Variants in AKT1S1 observed in about 807,000 individuals in gnomAD.
AKT1S1 encodes the protein AKT1 substrate 1.
Under a neutral mutation model 21.2 loss-of-function variants are expected in AKT1S1, and 17 were observed. That is an observed-to-expected ratio of 0.80 (90% CI 0.55 to 1.20). The LOEUF is 1.20. AKT1S1 is among the 50% of genes most tolerant of loss of function. The pLI is 0.00. For synonymous variants in AKT1S1, 181 were observed against 165.6 expected, an observed-to-expected ratio of 1.09 and a Z score of -0.72; for missense variants, 366 against 368.3, an observed-to-expected ratio of 0.99 and a Z score of 0.05.
chr19:49,876,157 G>A (rs1331290952), intron 1 of AKT1S1: 2 of 999,972 alleles, frequency 2.0e-6, no homozygotes, highest in African/African-American at 1.7e-5. Flanking sequence ...GCCATGGGGT[G>A]AGCGCCTGGG....
chr19:49,876,579 G>T lies in AKT1S1; in HGVS notation c.-8+658C>A, dbSNP rs1381376091. Reference sequence around the variant, plus strand: ...ACGGCCAAATCCTCCCCACACCGCGGTTAACAACGCCGCCTCCACTCACGT... The same window carrying T: ...ACGGCCAAATCCTCCCCACACCGCGTTTAACAACGCCGCCTCCACTCACGT... On this transcript the variant is annotated intron_variant, in intron 1 of 4. Coordinates refer to ENST00000344175, the MANE Select transcript of AKT1S1 (RefSeq NM_001098633.4). 21 of 1,497,832 alleles carry T rather than the reference G, an allele frequency of 1.4e-5. No individual in the cohort carries two copies. The East Asian group carries it at 4.6e-4, about 33-fold the overall frequency. 92.8% of individuals were successfully genotyped at this position (1,497,832 alleles called of 1,614,324 possible).
rs1476274360 is a variant in AKT1S1 at position 49,877,286 on chromosome 19, GA to G, written c.-58del. The stretch of plus-strand genomic sequence containing the variant: ...TCTTCCAGCTGTCGCGCCCCGCAGA[GA>G]GATGGGACAGCCCCGTATTAACATG... On this transcript the variant is annotated 5_prime_UTR_variant, in exon 1 of 5. It introduces an in-frame stop codon into an upstream open reading frame of the 5' UTR. Coordinates refer to ENST00000344175, the MANE Select transcript of AKT1S1 (RefSeq NM_001098633.4). 1 of 180,568 alleles carries G rather than the reference GA, an allele frequency of 5.5e-6. No homozygotes were observed. The highest frequency in any genetic ancestry group is 1.2e-5 in the Non-Finnish European group (1 of 85,694). The allele number at this position is 180,568 out of a possible 1,614,324, so 11.2% of individuals were successfully genotyped here.
Position 49,869,954 on chromosome 19 carries a change from T to G in AKT1S1, c.734A>C (p.Asn245Thr), listed in dbSNP as rs1392612025. 1 of 1,539,914 alleles carries G rather than the reference T, an allele frequency of 6.5e-7. No individual in the cohort carries two copies. The highest frequency in any genetic ancestry group is 1.4e-5 in the African/African-American group (1 of 71,900). The change falls in exon 5 of 5, where the codon AAC becomes ACC. Residue 245 changes from asparagine to threonine, a missense_variant. Transcript: ENST00000344175. ...CTTCAGCTTCTGGAAGTCGCTGGTG[T>G]TAAGCCGCGGCCGTGGCAGGTCCCC... The part of the protein sequence containing the change: ...VFGDLPRPRL[N>T]TSDFQKLKRK...
chr19:49,878,333 G>A, upstream of AKT1S1: 3 of 1,299,386 alleles, frequency 2.3e-6, no homozygotes, highest in Middle Eastern at 1.8e-4. Context: ...TTGGTCTGGC[G>A]GTCAGCAGTG....
chr19:49,876,656 G>C, intron 1 of AKT1S1: 1 of 1,497,852 alleles, frequency 6.7e-7, no homozygotes, highest in East Asian at 2.8e-5. Context: ...CAAAAGACAT[G>C]GCGGCGCCTT....
intron 1 of AKT1S1, chr19:49,874,741 T>G (rs1183133024): frequency 6.6e-6 from 1 of 152,018 alleles, no homozygotes; most frequent in African/African-American, 2.4e-5. Flanking sequence ...CCAGCGTGGT[T>G]GAGCCAGAGC....
chr19:49,870,145 C>G, intron 4 of AKT1S1, 85 bp from the exon 5 acceptor site: 1 of 1,316,590 alleles, frequency 7.6e-7, no homozygotes, highest in East Asian at 3.1e-5. Flanking sequence ...CACCCGGGCT[C>G]CAAGCCCACT....
upstream of AKT1S1, chr19:49,877,857 A>G: frequency 7.6e-7 from 1 of 1,322,950 alleles, no homozygotes; most frequent in Middle Eastern, 1.8e-4. Context: ...CTTGGCAAAC[A>G]CCGATCTCTT....
intron 4 of AKT1S1, among the ~76,000 whole-genome samples, chr19:49,871,292 G>A (rs2074880426): frequency 6.6e-6 from 1 of 152,210 alleles, no homozygotes; most frequent in South Asian, 2.1e-4. Flanking sequence ...CCTGTGCCTT[G>A]CCCAGAGCAG....
chr19:49,877,954 C>A, upstream of AKT1S1: 1 of 731,368 alleles, frequency 1.4e-6, no homozygotes, highest in Non-Finnish European at 2.2e-6. Context: ...CTCCTTGAGC[C>A]CTGCCCCCTG....
chr19:49,873,333 A>C lies in AKT1S1; in HGVS notation c.-7-31T>G. 7.1e-7 allele frequency: 1 copy of C among 1,414,582 alleles called. No individual in the cohort carries two copies. 87.6% of individuals were successfully genotyped at this position (1,414,582 alleles called of 1,614,324 possible). A position where few individuals can be genotyped will look rare whatever the true frequency, so the allele number is the denominator to read the frequency against. ...GGCCAGAGCAGGACAGAGGGGGCTG[A>C]GGCTTGGCGGCCTACATCATCGCCA... is the stretch of plus-strand genomic sequence containing the variant. On this transcript the variant is annotated intron_variant, in intron 1 of 4. Transcript: ENST00000344175. The surrounding 1 kb of genome is among the most constrained non-coding windows in gnomAD (Gnocchi z 6.9).
intron 4 of AKT1S1, among the ~76,000 whole-genome samples, chr19:49,871,142 CAG>C (rs962404392): frequency 6.6e-5 from 10 of 152,110 alleles, no homozygotes; most frequent in South Asian, 2.1e-4. Context: ...GAGCTTCAAA[CAG>C]GGGTTGCTAC....
At chr19:49,878,003 TC>T, upstream of AKT1S1, 2 of 788,876 alleles carry the variant, frequency 2.5e-6, no homozygotes, top group Non-Finnish European at 3.9e-6. Flanking sequence ...GCTGGACCAT[TC>T]TCCCCGCCTT....
At chr19:49,876,747 G>A (rs1199963855) in intron 1 of AKT1S1, 1 of 1,356,318 alleles carries the variant, frequency 7.4e-7, no homozygotes, top group East Asian at 2.9e-5. Context: ...TCAAGATGGC[G>A]GCCACAGGGG....
At chr19:49,876,152 G>C (rs2074940445) in intron 1 of AKT1S1, 5 of 998,438 alleles carry the variant, frequency 5.0e-6, no homozygotes, top group Non-Finnish European at 6.0e-6. Flanking sequence ...CGGTAGCCAT[G>C]GGGTGAGCGC....
intron 1 of AKT1S1, chr19:49,876,927 C>A (rs2074954588): frequency 5.0e-6 from 2 of 399,152 alleles, no homozygotes; most frequent in East Asian, 7.4e-5. Flanking sequence ...CAATAAACTT[C>A]TTCGACAAAA....
intron 4 of AKT1S1, among the ~76,000 whole-genome samples, chr19:49,870,940 G>A (rs962754171): frequency 1.3e-5 from 2 of 152,156 alleles, no homozygotes; most frequent in East Asian, 1.9e-4. Flanking sequence ...AGGCTTGAGG[G>A]GGGGACTGTG....
rs1292987031 is a variant in AKT1S1, at chr19:49,871,702, C to T, written c.472G>A (p.Glu158Lys). The change falls in exon 4 of 5, where the codon GAG becomes AAG. Residue 158 changes from glutamate (E) to lysine (K), a missense_variant. Transcript: ENST00000344175. ...GTGGGGGGGCCGGCGGGGGTCTCCT[C>T]GCTCAGGCTGCCATCTGAAAGAGAG... is the stretch of plus-strand genomic sequence containing the variant. ...PESTDDGSLS[E>K]ETPAGPPTCS... 6.2e-6 allele frequency: 10 copies of T among 1,612,820 alleles called. No individual in the cohort carries two copies. The highest frequency in any genetic ancestry group is 7.6e-6 in the Non-Finnish European group (9 of 1,179,392).
chr19:49,875,937 C>T, intron 1 of AKT1S1: 1 of 985,356 alleles, frequency 1.0e-6, no homozygotes, highest in Non-Finnish European at 1.2e-6. Context: ...AAGAACCCGC[C>T]CCGATAGACG....
Sources: gnomAD v4.1 joint callset for allele counts (sites outside exome capture counted in the v4.1 genomes callset) on GRCh38, gnomAD v4.1.1 for gene constraint, Gnocchi (gnomAD v3.1) non-coding constraint, MANE v1.5 for transcripts, NCBI Gene and HGNC (gene_info 2026-07-23, HGNC 2026-07-21) for gene names.